The following SRRT variants were observed in gnomAD, a reference collection of about 807,000 sequenced individuals.
SRRT encodes serrate RNA effector molecule homolog.
Under a neutral mutation model 103.2 loss-of-function variants are expected in SRRT, and 32 were observed. The ratio of observed to expected loss-of-function variants is 0.31; its 90% CI spans 0.23 to 0.42. SRRT has a LOEUF of 0.42. Ranked by LOEUF, SRRT falls within the 10% of genes least tolerant of loss-of-function variation. The probability of loss-of-function intolerance (pLI) is 1.00; values close to 1 mark genes in which losing one functional copy is unlikely to be tolerated. For missense variants in SRRT, 986 were observed against 1,207.5 expected, an observed-to-expected ratio of 0.82 and a Z score of 2.72; for synonymous variants, 525 against 449.0, an observed-to-expected ratio of 1.17 and a Z score of -2.14.
chr7:100,885,068 C>A lies in SRRT; in HGVS notation c.1159+28C>A, dbSNP rs750303602. 6.2e-7 allele frequency: 1 copy of A among 1,613,052 alleles called. No homozygotes were observed. On this transcript the variant is annotated intron_variant, in intron 9 of 19. Coordinates refer to ENST00000611405, the MANE Select transcript of SRRT (RefSeq NM_015908.6). The surrounding 1 kb of genome is among the most constrained non-coding windows in gnomAD (Gnocchi z 4.8). ...AGGGTTTCTTTTCTGCTTTAAAGTG[C>A]GTTCTCCTAATGCGGGTGGGGAGGT...
At chr7:100,888,443 C>G in intron 19 of SRRT, 31 bp from the exon 20 acceptor site, 2 of 1,613,474 alleles carry the variant, frequency 1.2e-6, no homozygotes, top group Middle Eastern at 1.7e-4. Flanking sequence ...TGGGAGCCCT[C>G]AGCTCTCATC....
intron 2 of SRRT, among the ~76,000 whole-genome samples, chr7:100,876,419 T>G (rs1243541256): frequency 6.6e-6 from 1 of 152,214 alleles, no homozygotes; most frequent in African/African-American, 2.4e-5. Context: ...CCCAAAGTGC[T>G]GGGATTACAG....
intron 5 of SRRT, among the ~76,000 whole-genome samples, chr7:100,883,418 A>G (rs1789767190): frequency 6.6e-6 from 1 of 151,544 alleles, no homozygotes; most frequent in African/African-American, 2.4e-5. Context: ...CCTATTTGAA[A>G]TGTTTTATTT....
chr7:100,888,064 A>G lies in SRRT; in HGVS notation c.2349A>G (p.Pro783=), dbSNP rs760180291. The G allele has an allele frequency of 1.9e-6, 3 of 1,557,132 alleles. No homozygotes were observed. In the South Asian group the frequency reaches 3.6e-5, roughly 19 times the overall value. ...PAQILPPGLT[P]GLPYPHQTPQ... ...TTGTACTCCCCCCAGGTTTGACCCC[A>G]GGACTCCCCTACCCACACCAGACTC... Residue 783 remains proline, a synonymous_variant, in exon 18 of 20, where the codon CCA becomes CCG. Coordinates refer to ENST00000611405, the MANE Select transcript of SRRT (RefSeq NM_015908.6).
At chr7:100,881,141 G>A in intron 2 of SRRT, 144 bp from the exon 3 acceptor site, 1 of 769,810 alleles carries the variant, frequency 1.3e-6, no homozygotes, top group Non-Finnish European at 2.0e-6. Flanking sequence ...ATGGCGGGGG[G>A]CGGGGGGGGG....
chr7:100,875,778 C>G (rs1414144509), intron 2 of SRRT, 66 bp downstream of exon 2: 4 of 1,579,330 alleles, frequency 2.5e-6, no homozygotes, highest in South Asian at 1.1e-5. Flanking sequence ...CGTCGCTTTT[C>G]TTTCTCCCCC....
chr7:100,879,740 G>A (rs551406869), intron 2 of SRRT, among the ~76,000 whole-genome samples: 4 of 151,872 alleles, frequency 2.6e-5, no homozygotes, highest in African/African-American at 9.7e-5. Flanking sequence ...CCCAGGAGGC[G>A]GAGGCTGTAG....
In SRRT at chr7:100,882,162, A is replaced by C; in HGVS notation, c.508A>C (p.Lys170Gln). 2 of 1,613,946 alleles carry C rather than the reference A, an allele frequency of 1.2e-6. No homozygotes were observed. Among genetic ancestry groups the C allele is most frequent in the African/African-American group, 2.7e-5 (2 of 75,016 alleles). ...CTCGGTGGATGAGACGGAGGCCGTC[A>C]AGCGCTATAATGACTACAAGCTGGA... is the stretch of plus-strand genomic sequence containing the variant. Reference protein sequence around the residue: ...DDSVDETEAVKRYNDYKLDFR... With the variant: ...DDSVDETEAVQRYNDYKLDFR... The change falls in exon 5 of 20, where the codon AAG becomes CAG. Residue 170 changes from lysine (K) to glutamine (Q), a missense_variant. Physicochemically the swap from Lys to Gln is moderately conservative, Grantham distance 53. Transcript: ENST00000611405. The surrounding 1 kb of genome is among the most constrained non-coding windows in gnomAD (Gnocchi z 4.2).
At position 100,883,725 on chromosome 7, in the gene SRRT, G is replaced by A. The variant is rs1789792959; in HGVS notation, c.588-345G>A. Among the ~76,000 whole-genome samples the A allele has an allele frequency of 2.0e-5, 3 of 152,174 alleles. 1 individual carries two copies. The highest frequency in any genetic ancestry group is 6.5e-5 in the Admixed American group (1 of 15,272). On this transcript the variant is annotated intron_variant, in intron 5 of 19. Transcript: ENST00000611405. ...TATTTCCTGAGCCTTCCTCTCTGAA[G>A]CTTTGGGAAATGACACCTTTTTACT...
Position 100,886,435 on chromosome 7 carries a change from G to A in SRRT, c.1647G>A (p.Thr549=), listed in dbSNP as rs564489231. 5.0e-5 allele frequency: 80 copies of A among 1,609,422 alleles called. No individual in the cohort carries two copies. Among genetic ancestry groups the A allele is most frequent in the Non-Finnish European group, 6.6e-5 (78 of 1,178,512 alleles). ...AACCAGGGACGCCTCCCCTGCCCACGGTCAGTGACTCCCCAAAGGACTTTG... is the reference window on the plus strand; with the variant it reads ...AACCAGGGACGCCTCCCCTGCCCACAGTCAGTGACTCCCCAAAGGACTTTG... ...ASEPGTPPLP[T]SLPSQNPILK... Residue 549 remains threonine, a splice_region_variant and synonymous_variant, in exon 13 of 20, where the codon ACG becomes ACA. Coordinates refer to ENST00000611405, the MANE Select transcript of SRRT (RefSeq NM_015908.6).
chr7:100,878,519 T>C (rs1210535095), intron 2 of SRRT, among the ~76,000 whole-genome samples: 1 of 152,180 alleles, frequency 6.6e-6, no homozygotes, highest in Non-Finnish European at 1.5e-5. Flanking sequence ...TCACTGATAC[T>C]ATTTCAGATT....
At chr7:100,877,452 TCAATGA>T (rs1815854717) in intron 2 of SRRT, among the ~76,000 whole-genome samples, 1 of 143,902 alleles carries the variant, frequency 6.9e-6, no homozygotes, top group Non-Finnish European at 1.5e-5. Context: ...GCCACTTCCA[TCAATGA>T]TTCTTGATGA....
In SRRT at chr7:100,875,624, C is replaced by T. The variant is rs751465031; in HGVS notation, c.34C>T (p.Arg12Cys). The change falls in exon 2 of 20, where the codon CGC becomes TGC. Residue 12 changes from arginine (R) to cysteine (C), a missense_variant. Physicochemically the swap from Arg to Cys is radical, Grantham distance 180. Around this residue, in one of 6 missense-constraint regions of SRRT, gnomAD observed 9 missense variants for 28.9 expected, o/e 0.31. Coordinates refer to ENST00000611405, the MANE Select transcript of SRRT (RefSeq NM_015908.6). ...GDSDDEYDRR[R>C]RDKFRRERSD... ...CAGTGATGACGAGTACGATCGAAGGCGCAGGGACAAGTTCAGAAGAGAGCG... is the reference window on the plus strand; with the variant it reads ...CAGTGATGACGAGTACGATCGAAGGTGCAGGGACAAGTTCAGAAGAGAGCG... The T allele has an allele frequency of 6.2e-7, 1 of 1,614,098 alleles. No homozygotes were observed. Among genetic ancestry groups the T allele is most frequent in the Admixed American group, 1.7e-5 (1 of 60,020 alleles).
At chr7:100,881,164 C>G in intron 2 of SRRT, 121 bp from the exon 3 acceptor site, 1 of 1,079,856 alleles carries the variant, frequency 9.3e-7, no homozygotes, top group East Asian at 2.4e-5. Flanking sequence ...TCACTATTGC[C>G]CAGGTTGGTC....
intron 3 of SRRT, 23 bp from the exon 4 acceptor site, chr7:100,881,636 A>C (rs1789571919): frequency 6.2e-7 from 1 of 1,612,952 alleles, no homozygotes; most frequent in South Asian, 1.1e-5. Context: ...TCTCTGCTTT[A>C]CTTTTGTGTC....
rs1351565668 is a variant in SRRT, at chr7:100,888,106, C to T, written c.2391C>T (p.Pro797=). ...YPHQTPQGLM[P]YGQPRPPILG... ...ACCAGACTCCCCAGGGCCTGATGCC[C>T]TATGGTCAGCCCCGGCCCCCGATCT... Residue 797 remains proline (P), a synonymous_variant, in exon 18 of 20, where the codon CCC becomes CCT. Transcript: ENST00000611405. 16 of 1,610,822 alleles carry T rather than the reference C, an allele frequency of 9.9e-6. No homozygotes were observed. The highest frequency in any genetic ancestry group is 1.3e-5 in the African/African-American group (1 of 74,798).
rs1320229498 is a variant in SRRT, at chr7:100,887,951, C to T, written c.2327-91C>T. On this transcript the variant is annotated intron_variant, in intron 17 of 19. Coordinates refer to ENST00000611405, the MANE Select transcript of SRRT (RefSeq NM_015908.6). The surrounding 1 kb of genome is among the most constrained non-coding windows in gnomAD (Gnocchi z 4.1). ...TTTAACGTGTCACCCCGAGAAGTTT[C>T]TGCCCCATCCTCAGGCCATAGCCCT... 2.6e-6 allele frequency: 4 copies of T among 1,538,740 alleles called. No homozygotes were observed. Among genetic ancestry groups the T allele is most frequent in the South Asian group, 1.2e-5 (1 of 81,010 alleles).
chr7:100,881,749 C>T lies in SRRT; in HGVS notation c.342C>T (p.Pro114=), dbSNP rs1167473842. The change falls in exon 4 of 20, where the codon CCC becomes CCT. Residue 114 remains proline, a synonymous_variant. Coordinates refer to ENST00000611405, the MANE Select transcript of SRRT (RefSeq NM_015908.6). The part of the protein sequence containing the change: ...GGGPTYGPPQ[P]WGHPDVHIMQ... ...GCCCAACTTATGGCCCCCCTCAGCCCTGGGGCCACCCTGACGTCCACATCA... is the reference window on the plus strand; with the variant it reads ...GCCCAACTTATGGCCCCCCTCAGCCTTGGGGCCACCCTGACGTCCACATCA... 2 of 1,613,890 alleles carry T rather than the reference C, an allele frequency of 1.2e-6. No individual in the cohort carries two copies. Among genetic ancestry groups the T allele is most frequent in the East Asian group, 2.2e-5 (1 of 44,878 alleles).
rs1790263715 is a variant in SRRT at position 100,887,609 on chromosome 7, C to T, written c.2170-94C>T. The T allele has an allele frequency of 8.9e-6, 14 of 1,577,480 alleles. No homozygotes were observed. In the East Asian group the frequency reaches 2.5e-4, roughly 28 times the overall value. On this transcript the variant is annotated intron_variant, in intron 16 of 19. Transcript: ENST00000611405. This position sits in a 1 kb window ranked among gnomAD's most constrained non-coding sequence, Gnocchi z 4.1. Reference sequence around the variant, plus strand: ...AGGGGTGGGGGAACTGCTTACTGCACTGGCAGGCGGGAGCTGGGAATCCTT... The same window carrying T: ...AGGGGTGGGGGAACTGCTTACTGCATTGGCAGGCGGGAGCTGGGAATCCTT...
Sources: gnomAD v4.1 joint callset for allele counts (sites outside exome capture counted in the v4.1 genomes callset) on GRCh38, gnomAD v4.1.1 for gene constraint, gnomAD v4.1.1 regional missense constraint, Gnocchi (gnomAD v3.1) non-coding constraint, MANE v1.5 for transcripts, NCBI Gene and HGNC (gene_info 2026-07-23, HGNC 2026-07-21) for gene names.